NCAM1: variants seen among roughly 807,000 people sequenced by gnomAD.
NCAM1 encodes antigen recognized by monoclonal antibody 5.1H11.
NCAM1 carries 14 observed loss-of-function variants against 109.8 expected under a neutral mutation model. The ratio of observed to expected loss-of-function variants is 0.13; its 90% CI spans 0.08 to 0.20. The LOEUF is 0.20. Ranked by LOEUF, NCAM1 falls within the 10% of genes least tolerant of loss-of-function variation. The pLI is 1.00. For missense variants in NCAM1, 774 were observed against 1,109.9 expected, an observed-to-expected ratio of 0.70 and a Z score of 4.30; for synonymous variants, 418 against 442.9, an observed-to-expected ratio of 0.94 and a Z score of 0.70.
At chr11:113,271,913 G>A in intron 19 of NCAM1, 37 bp downstream of exon 19, 2 of 1,497,996 alleles carry the variant, frequency 1.3e-6, no homozygotes, top group Non-Finnish European at 1.8e-6. Context: ...CTGCTCCGTA[G>A]AGACCCCCAC....
intron 14 of NCAM1, chr11:113,242,901 C>A: frequency 6.2e-7 from 1 of 1,613,008 alleles, no homozygotes; most frequent in South Asian, 1.1e-5. Context: ...TGTTGTAGAG[C>A]CGACTTCTAG....
At chr11:113,231,587 G>C (rs1945007820) in intron 9 of NCAM1, 58 bp from the exon 10 acceptor site, 3 of 1,559,264 alleles carry the variant, frequency 1.9e-6, no homozygotes, top group Middle Eastern at 2.0e-4. Flanking sequence ...CCATAGCACT[G>C]TTGCCCTTCA....
At chr11:113,009,938 C>A (rs1002574766) in intron 1 of NCAM1, among the ~76,000 whole-genome samples, 7 of 151,906 alleles carry the variant, frequency 4.6e-5, no homozygotes, top group Non-Finnish European at 7.4e-5. Flanking sequence ...TGTATTTATC[C>A]ACTGTCTACA....
intron 1 of NCAM1, among the ~76,000 whole-genome samples, chr11:113,070,762 A>G (rs192803400): frequency 2.8e-4 from 42 of 152,296 alleles, no homozygotes; most frequent in African/African-American, 9.9e-4. Flanking sequence ...TACTCACTAT[A>G]AAGGAAAAGA....
At chr11:112,977,628 A>G (rs1004974796) in intron 1 of NCAM1, among the ~76,000 whole-genome samples, 1 of 151,926 alleles carries the variant, frequency 6.6e-6, no homozygotes, top group African/African-American at 2.4e-5. Context: ...AGATTTAAAT[A>G]TGATACAAAA....
intron 1 of NCAM1, among the ~76,000 whole-genome samples, chr11:113,161,406 C>A (rs781813837): frequency 3.9e-5 from 6 of 152,008 alleles, no homozygotes; most frequent in Non-Finnish European, 8.8e-5. Context: ...AACCCTGTGC[C>A]CCCGAAAGAG....
intron 1 of NCAM1, among the ~76,000 whole-genome samples, chr11:113,009,086 A>G (rs973768683): frequency 1.3e-5 from 2 of 152,152 alleles, no homozygotes; most frequent in Admixed American, 1.3e-4. Context: ...TGAGAAACTG[A>G]GCCTTGAACT....
intron 1 of NCAM1, among the ~76,000 whole-genome samples, chr11:113,185,079 T>TATATATAGAG: frequency 6.3e-4 from 79 of 125,738 alleles, no homozygotes; most frequent in African/African-American, 2.2e-3. Flanking sequence ...TATATATATA[T>TATATATAGAG]AGAGAGAGAG....
chr11:113,253,069 A>T (rs1945734788), intron 15 of NCAM1, among the ~76,000 whole-genome samples: 1 of 151,876 alleles, frequency 6.6e-6, no homozygotes, highest in Non-Finnish European at 1.5e-5. Flanking sequence ...ACTATGTCAA[A>T]TGTGTTCTAA....
chr11:113,189,631 C>CTGAA (rs1555109480), intron 1 of NCAM1, among the ~76,000 whole-genome samples: 11 of 152,014 alleles, frequency 7.2e-5, no homozygotes. Flanking sequence ...AGTCCTTGAA[C>CTGAA]ATCAAAGCAC....
intron 1 of NCAM1, among the ~76,000 whole-genome samples, chr11:113,084,881 C>T (rs1939008050): frequency 6.6e-6 from 1 of 152,212 alleles, no homozygotes; most frequent in South Asian, 2.1e-4. Flanking sequence ...TGAATTAATC[C>T]ACACAAATCA....
In NCAM1 at chr11:113,185,068, T is replaced by TATATATATATATATATATA. The variant is rs1555108634; in HGVS notation, c.53-17311_53-17310insATATATATATATATATATA. On this transcript the variant is annotated intron_variant, in intron 1 of 19. Coordinates refer to ENST00000316851, the MANE Select transcript of NCAM1 (RefSeq NM_181351.5). ...TATGTGTATGTGTGTGCATTTATAT[T>TATATATATATATATATATA]TATATATATATAGAGAGAGAGAGAG... 1.5e-3 allele frequency among the ~76,000 whole-genome samples: 148 copies of TATATATATATATATATATA among 99,508 alleles called. 5 individuals are homozygous for TATATATATATATATATATA. The highest frequency in any genetic ancestry group is 2.7e-3 in the Admixed American group (24 of 9,028). 65.3% of individuals were successfully genotyped at this position (99,508 alleles called of 152,430 possible).
intron 1 of NCAM1, among the ~76,000 whole-genome samples, chr11:113,064,520 TTTA>T (rs1258876513): frequency 6.6e-6 from 1 of 152,226 alleles, no homozygotes; most frequent in South Asian, 2.1e-4. Context: ...CTATATTTTT[TTTA>T]TTATTTATTA....
chr11:113,098,316 G>A (rs1160963244), intron 1 of NCAM1, among the ~76,000 whole-genome samples: 11 of 152,126 alleles, frequency 7.2e-5, no homozygotes, highest in Admixed American at 6.6e-4. Flanking sequence ...AGTCCCTGAT[G>A]TAAAATGGCA....
intron 15 of NCAM1, among the ~76,000 whole-genome samples, chr11:113,247,727 C>A (rs1945544030): frequency 6.6e-6 from 1 of 152,184 alleles, no homozygotes; most frequent in African/African-American, 2.4e-5. Flanking sequence ...ACATCTGATG[C>A]AGTCCACGCC....
chr11:113,278,369 A>G lies in NCAM1; in HGVS notation c.*2982A>G, dbSNP rs1204111154. Reference sequence around the variant, plus strand: ...TCACTGGTGTAAATACTGAGTACTAACTGAGAATTTTGACTTTGCATTCTG... The same window carrying G: ...TCACTGGTGTAAATACTGAGTACTAGCTGAGAATTTTGACTTTGCATTCTG... On this transcript the variant is annotated 3_prime_UTR_variant, in exon 20 of 20. Transcript: ENST00000316851. 1 of 152,196 alleles carries G rather than the reference A, an allele frequency of 6.6e-6. No individual in the cohort carries two copies. Among genetic ancestry groups the G allele is most frequent in the Non-Finnish European group, 1.5e-5 (1 of 68,048 alleles). 9.4% of individuals were successfully genotyped at this position (152,196 alleles called of 1,614,324 possible).
intron 1 of NCAM1, among the ~76,000 whole-genome samples, chr11:113,062,812 T>A (rs1356557676): frequency 6.6e-6 from 1 of 151,826 alleles, no homozygotes. Flanking sequence ...CCAAAAAAAA[T>A]TAAAAATTAG....
intron 1 of NCAM1, among the ~76,000 whole-genome samples, chr11:113,173,580 GCA>G (rs1943053529): frequency 1.1e-5 from 1 of 91,386 alleles, no homozygotes; most frequent in Non-Finnish European, 2.1e-5. Context: ...ACTAATATTA[GCA>G]TGTTACCTGA....
At chr11:113,040,948 T>C (rs1953053869) in intron 1 of NCAM1, 1 of 152,234 alleles carries the variant, frequency 6.6e-6, no homozygotes, top group South Asian at 2.1e-4. Flanking sequence ...TCTTTCCTTT[T>C]GAATTATTAT....
Sources: gnomAD v4.1 joint callset for allele counts (sites outside exome capture counted in the v4.1 genomes callset) on GRCh38, gnomAD v4.1.1 for gene constraint, MANE v1.5 for transcripts, NCBI Gene and HGNC (gene_info 2026-07-23, HGNC 2026-07-21) for gene names.